ZNF608: variants seen among roughly 807,000 people sequenced by gnomAD.
ZNF608 encodes the protein zinc finger protein 608.
Under a neutral mutation model 109.0 loss-of-function variants are expected in ZNF608, and 12 were observed. That is an observed-to-expected ratio of 0.11 (90% CI 0.07 to 0.18). The LOEUF is 0.18. Among genes scored for constraint, ZNF608 ranks in the 10% least tolerant of loss-of-function variants. The probability of loss-of-function intolerance (pLI) is 1.00; values close to 1 mark genes in which losing one functional copy is unlikely to be tolerated. For synonymous variants in ZNF608, 732 were observed against 717.4 expected, an observed-to-expected ratio of 1.02 and a Z score of -0.33; for missense variants, 1,707 against 1,879.3, an observed-to-expected ratio of 0.91 and a Z score of 1.70.
At chr5:124,739,085 C>T (rs1478987359) in intron 2 of ZNF608, among the ~76,000 whole-genome samples, 2 of 152,164 alleles carry the variant, frequency 1.3e-5, no homozygotes, top group Admixed American at 1.3e-4. Context: ...GTCCCTTTCT[C>T]GACTCTTTTG....
At chr5:124,729,956 A>C (rs1748818444) in intron 2 of ZNF608, among the ~76,000 whole-genome samples, 1 of 152,242 alleles carries the variant, frequency 6.6e-6, no homozygotes. Context: ...ACGCACATTC[A>C]GGCTCAAATA....
At chr5:124,715,407 C>T (rs1753651310) in intron 2 of ZNF608, among the ~76,000 whole-genome samples, 2 of 152,176 alleles carry the variant, frequency 1.3e-5, no homozygotes, top group African/African-American at 4.8e-5. Flanking sequence ...AAGCACCCCA[C>T]GGGTGACAGA....
chr5:124,669,030 G>A (rs1751600284), intron 3 of ZNF608, among the ~76,000 whole-genome samples: 2 of 152,036 alleles, frequency 1.3e-5, no homozygotes, highest in African/African-American at 4.8e-5. Flanking sequence ...ACTACCTATT[G>A]CAAAGGGCAT....
At chr5:124,731,446 C>A (rs1017986535) in intron 2 of ZNF608, among the ~76,000 whole-genome samples, 2 of 151,882 alleles carry the variant, frequency 1.3e-5, no homozygotes, top group African/African-American at 2.4e-5. Context: ...CTCCTGACCT[C>A]GTGATCCGCC....
At chr5:124,710,811 T>G (rs1029548541) in intron 2 of ZNF608, 1 of 152,772 alleles carries the variant, frequency 6.5e-6, no homozygotes, top group African/African-American at 2.4e-5. Flanking sequence ...ATGGAATGGT[T>G]AGAGAGAACA....
At position 124,648,314 on chromosome 5, in the gene ZNF608, G is replaced by C. The variant is rs201615708; in HGVS notation, c.2070C>G (p.Asp690Glu). The change falls in exon 5 of 10, where the codon GAC becomes GAG. Residue 690 changes from aspartate (D) to glutamate (E), a missense_variant. By Grantham distance (45) the Asp-to-Glu change is conservative. Coordinates refer to ENST00000513986, the MANE Select transcript of ZNF608 (RefSeq NM_020747.3). ...TAALDSCSAA[D>E]GSLAAEMPKL... ...TAGGCATCTCAGCAGCCAAACTGCC[G>C]TCTGCTGCCGAGCAACTGTCTAACG... 6.2e-7 allele frequency: 1 copy of C among 1,614,116 alleles called. No homozygotes were observed. The highest frequency in any genetic ancestry group is 2.2e-5 in the East Asian group (1 of 44,886).
At chr5:124,738,050 C>T (rs562688179) in intron 2 of ZNF608, among the ~76,000 whole-genome samples, 5 of 152,282 alleles carry the variant, frequency 3.3e-5, no homozygotes, top group Admixed American at 2.0e-4. Context: ...CCCATACTAA[C>T]TAAATACTCC....
intron 3 of ZNF608, among the ~76,000 whole-genome samples, chr5:124,696,464 C>G (rs1264013732): frequency 6.6e-6 from 1 of 152,170 alleles, no homozygotes; most frequent in Non-Finnish European, 1.5e-5. Context: ...AACAACTTTC[C>G]TTAATACTAT....
intron 2 of ZNF608, among the ~76,000 whole-genome samples, chr5:124,703,923 T>G (rs1287270013): frequency 6.6e-6 from 1 of 152,158 alleles, no homozygotes; most frequent in East Asian, 1.9e-4. Flanking sequence ...CACCCCTCTC[T>G]CTCTCTCTCA....
intron 3 of ZNF608, among the ~76,000 whole-genome samples, chr5:124,696,582 C>T (rs1160892036): frequency 6.6e-6 from 1 of 152,160 alleles, no homozygotes. Flanking sequence ...CTTCCCATAT[C>T]AATAAATTAG....
At chr5:124,694,613 G>A in intron 3 of ZNF608, among the ~76,000 whole-genome samples, 1 of 151,968 alleles carries the variant, frequency 6.6e-6, no homozygotes, top group East Asian at 1.9e-4. Context: ...GGGTACATGT[G>A]CACAACCTGC....
chr5:124,701,387 T>A (rs1753046354), intron 2 of ZNF608, 118 bp from the exon 3 acceptor site: 1 of 1,339,514 alleles, frequency 7.5e-7, no homozygotes, highest in Non-Finnish European at 1.0e-6. Context: ...GCAATTATAA[T>A]ATGCTTTGAG....
chr5:124,728,557 T>C lies in ZNF608; in HGVS notation c.906+15527A>G, dbSNP rs1748735845. On this transcript the variant is annotated intron_variant, in intron 2 of 9. Coordinates refer to ENST00000513986, the MANE Select transcript of ZNF608 (RefSeq NM_020747.3). Reference sequence around the variant, plus strand: ...TAATCTGAAAATCACTATCCCAACATGTCTGGCCTTCTGCTTATCTTCGTT... The same window carrying C: ...TAATCTGAAAATCACTATCCCAACACGTCTGGCCTTCTGCTTATCTTCGTT... Among the ~76,000 whole-genome samples the C allele has an allele frequency of 2.0e-5, 3 of 152,290 alleles. No homozygotes were observed. The Middle Eastern group carries it at 0.01, about 518-fold the overall frequency.
At chr5:124,719,798 A>G (rs1342967941) in intron 2 of ZNF608, among the ~76,000 whole-genome samples, 1 of 152,200 alleles carries the variant, frequency 6.6e-6, no homozygotes, top group Non-Finnish European at 1.5e-5. Flanking sequence ...GAGTCCATAC[A>G]TGCCCAGTAA....
chr5:124,719,885 C>A (rs990594458), intron 2 of ZNF608, among the ~76,000 whole-genome samples: 1 of 152,196 alleles, frequency 6.6e-6, no homozygotes, highest in Non-Finnish European at 1.5e-5. Flanking sequence ...TTCTTCATTA[C>A]AATGCATACT....
At chr5:124,709,060 A>G (rs2149862324) in intron 2 of ZNF608, among the ~76,000 whole-genome samples, 1 of 150,452 alleles carries the variant, frequency 6.6e-6, no homozygotes, top group African/African-American at 2.4e-5. Flanking sequence ...AATCCCAGCT[A>G]CTCGGGAGGC....
At chr5:124,721,941 CAAAAAAAAAAAAAAAAAAA>C (rs199699487) in intron 2 of ZNF608, among the ~76,000 whole-genome samples, 4 of 20,798 alleles carry the variant, frequency 1.9e-4, no homozygotes, top group African/African-American at 6.0e-4. Context: ...GACTCTGTCT[CAAAAAAAAAAAAAAAAAAA>C]AAAAAAAAAA....
In ZNF608 at chr5:124,745,126, C is replaced by A; in HGVS notation, c.-137G>T. The A allele has an allele frequency of 1.4e-6, 2 of 1,442,380 alleles. No individual in the cohort carries two copies. Among genetic ancestry groups the A allele is most frequent in the East Asian group, 2.5e-5 (1 of 40,148 alleles). The allele number at this position is 1,442,380 out of a possible 1,614,324, so 89.3% of individuals were successfully genotyped here. A position where few individuals can be genotyped will look rare whatever the true frequency, so the allele number is the denominator to read the frequency against. On this transcript the variant is annotated 5_prime_UTR_variant, in exon 2 of 10. Transcript: ENST00000513986. ...TCTTCCTCTTCTTTTTCCTGCCCCACGAATGTGTCCAGGGATTTTACACCC... is the reference window on the plus strand; with the variant it reads ...TCTTCCTCTTCTTTTTCCTGCCCCAAGAATGTGTCCAGGGATTTTACACCC...
At position 124,744,069 on chromosome 5, in the gene ZNF608, G is replaced by C. The variant is rs759965668; in HGVS notation, c.906+15C>G. On this transcript the variant is annotated intron_variant, in intron 2 of 9. Transcript: ENST00000513986. The surrounding 1 kb of genome is among the most constrained non-coding windows in gnomAD (Gnocchi z 4.5). ...AGAGGAGAGTAGGACATCTAGGAAG[G>C]CGACTTTATCCTACCTTCTCAGTTT... is the stretch of plus-strand genomic sequence containing the variant. The C allele has an allele frequency of 8.3e-6, 13 of 1,564,116 alleles. No individual in the cohort carries two copies. Among genetic ancestry groups the C allele is most frequent in the South Asian group, 1.2e-5 (1 of 81,776 alleles).
Sources: allele counts gnomAD v4.1 joint callset (sites outside exome capture counted in the v4.1 genomes callset), GRCh38; gene constraint gnomAD v4.1.1; non-coding constraint Gnocchi (gnomAD v3.1); transcripts MANE v1.5; gene names NCBI Gene and HGNC (gene_info 2026-07-23, HGNC 2026-07-21).